The following TTLL5 variants were observed in gnomAD, a reference collection of about 807,000 sequenced individuals.
The protein encoded by TTLL5 is tubulin tyrosine ligase like 5, also known as tubulin polyglutamylase TTLL5.
TTLL5 carries 132 observed loss-of-function variants against 168.4 expected under a neutral mutation model. The observed-to-expected ratio is 0.78, with a 90% CI of 0.68 to 0.91. The LOEUF (loss-of-function observed/expected upper bound fraction) is 0.91, where lower values mean the gene tolerates loss of function less well. Ranked by LOEUF, TTLL5 falls within the 40% of genes least tolerant of loss-of-function variation. The probability of loss-of-function intolerance (pLI) is 0.00; values close to 1 mark genes in which losing one functional copy is unlikely to be tolerated. For synonymous variants in TTLL5, 546 were observed against 558.6 expected, an observed-to-expected ratio of 0.98 and a Z score of 0.32; for missense variants, 1,545 against 1,581.5, an observed-to-expected ratio of 0.98 and a Z score of 0.39.
chr14:75,826,863 C>T (rs1037301168), intron 28 of TTLL5, among the ~76,000 whole-genome samples: 9 of 152,134 alleles, frequency 5.9e-5, no homozygotes, highest in African/African-American at 2.2e-4. Flanking sequence ...TTAAAGCTTA[C>T]CTAGTATTGA....
chr14:75,813,270 T>TTGTGTGTGTG (rs58821426), intron 27 of TTLL5, among the ~76,000 whole-genome samples: 10 of 130,616 alleles, frequency 7.7e-5, no homozygotes, highest in African/African-American at 1.5e-4. Context: ...GTGTGTGTGT[T>TTGTGTGTGTG]TGTGTGTGTG....
At chr14:75,788,833 C>T (rs1892528774) in intron 26 of TTLL5, among the ~76,000 whole-genome samples, 1 of 152,012 alleles carries the variant, frequency 6.6e-6, no homozygotes, top group Non-Finnish European at 1.5e-5. Flanking sequence ...TATTTATTAA[C>T]ACAAATGCAA....
chr14:75,922,309 C>T (rs1595273073), intron 31 of TTLL5, among the ~76,000 whole-genome samples: 8 of 150,586 alleles, frequency 5.3e-5, no homozygotes, highest in South Asian at 4.2e-4. Flanking sequence ...TGTCTTGTGC[C>T]GGTTTTCAAA....
In TTLL5 at chr14:75,718,434, A is replaced by G. The variant is rs951765513; in HGVS notation, c.842+472A>G. Among the ~76,000 whole-genome samples, 4 of 152,334 alleles carry G rather than the reference A, an allele frequency of 2.6e-5. No individual in the cohort carries two copies. In the East Asian group the frequency reaches 7.7e-4, roughly 29 times the overall value. ...TTCATTACCATGTATTCGTAGGTGGAAAAAGCAGGTTATCAGATAGCACAT... is the reference window on the plus strand; with the variant it reads ...TTCATTACCATGTATTCGTAGGTGGGAAAAGCAGGTTATCAGATAGCACAT... On this transcript the variant is annotated intron_variant, in intron 10 of 31. Transcript: ENST00000298832.
chr14:75,866,016 A>C (rs1032764528), intron 29 of TTLL5, among the ~76,000 whole-genome samples: 3 of 152,206 alleles, frequency 2.0e-5, no homozygotes, highest in Non-Finnish European at 4.4e-5. Context: ...AAAATGAGTA[A>C]GGGTGAAGTT....
intron 30 of TTLL5, chr14:75,886,826 C>T: frequency 6.4e-7 from 1 of 1,558,964 alleles, no homozygotes; most frequent in Non-Finnish European, 8.6e-7. Flanking sequence ...GAGCTTTTTT[C>T]AGAGCCAGAA....
At chr14:75,894,019 T>C (rs2140062676) in intron 30 of TTLL5, among the ~76,000 whole-genome samples, 1 of 152,202 alleles carries the variant, frequency 6.6e-6, no homozygotes, top group Middle Eastern at 3.4e-3. Flanking sequence ...ATAAAATAAT[T>C]ATTGGTCTTT....
chr14:75,869,013 A>AGT (rs3138589), intron 29 of TTLL5, among the ~76,000 whole-genome samples: 19,857 of 124,170 alleles, frequency 0.16, 1,593 homozygotes, highest in Non-Finnish European at 0.2. Flanking sequence ...AGAGGGGAGG[A>AGT]GTGTGTGTGT....
chr14:75,672,930 T>C (rs567954342), intron 3 of TTLL5, among the ~76,000 whole-genome samples: 1 of 152,080 alleles, frequency 6.6e-6, no homozygotes. Flanking sequence ...TCAATTTCGT[T>C]GATCATTTTT....
At chr14:75,843,877 G>GTTTTGTTTTGTTTTATTTTA (rs1208784264) in intron 28 of TTLL5, among the ~76,000 whole-genome samples, 1,376 of 130,666 alleles carry the variant, frequency 0.011, 45 homozygotes, top group African/African-American at 0.039. Context: ...GTTTTGTTTT[G>GTTTTGTTTTGTTTTATTTTA]TTTTATTTTA....
chr14:75,761,315 T>TG (rs924974202), intron 18 of TTLL5, among the ~76,000 whole-genome samples: 1 of 151,992 alleles, frequency 6.6e-6, no homozygotes, highest in African/African-American at 2.4e-5. Context: ...AGGAAGAGAC[T>TG]GGCAGTTTGT....
chr14:75,793,592 A>C (rs1892838999), intron 27 of TTLL5, among the ~76,000 whole-genome samples: 1 of 152,146 alleles, frequency 6.6e-6, no homozygotes, highest in Non-Finnish European at 1.5e-5. Context: ...CATTCTCCCC[A>C]TTTTACAGAT....
chr14:75,786,814 A>T (rs1003203464), intron 26 of TTLL5, among the ~76,000 whole-genome samples: 2 of 152,152 alleles, frequency 1.3e-5, no homozygotes, highest in African/African-American at 4.8e-5. Context: ...AAGCATAGAA[A>T]AAGCAAGATA....
intron 31 of TTLL5, among the ~76,000 whole-genome samples, chr14:75,920,124 GCAACAACAA>G (rs112924591): frequency 8.0e-5 from 12 of 150,916 alleles, no homozygotes; most frequent in African/African-American, 1.9e-4. Context: ...TGTCTCAAAA[GCAACAACAA>G]CAACAACAAC....
At chr14:75,948,143 G>T (rs1293460395) in intron 31 of TTLL5, among the ~76,000 whole-genome samples, 1 of 144,114 alleles carries the variant, frequency 6.9e-6, no homozygotes, top group African/African-American at 2.6e-5. Context: ...AAAAGATACT[G>T]GAAAAGTCCT....
intron 31 of TTLL5, among the ~76,000 whole-genome samples, chr14:75,926,132 T>G (rs2034055615): frequency 1.5e-5 from 2 of 130,644 alleles, no homozygotes; most frequent in Admixed American, 1.7e-4. Context: ...CTATGTATTT[T>G]AAAGACTAGG....
intron 12 of TTLL5, among the ~76,000 whole-genome samples, chr14:75,728,358 GA>G (rs11326438): frequency 0.39 from 38,502 of 99,526 alleles, 5,809 homozygotes; most frequent in East Asian, 0.54. Flanking sequence ...CTCCATCTCA[GA>G]AAAAAAAAAA....
chr14:75,944,164 T>C (rs775638216), intron 31 of TTLL5, among the ~76,000 whole-genome samples: 2 of 152,202 alleles, frequency 1.3e-5, no homozygotes, highest in Non-Finnish European at 2.9e-5. Flanking sequence ...GAGGCAATAA[T>C]TGAGGCTGCG....
At chr14:75,849,084 A>G (rs1400517229) in intron 28 of TTLL5, among the ~76,000 whole-genome samples, 1 of 152,356 alleles carries the variant, frequency 6.6e-6, no homozygotes, top group African/African-American at 2.4e-5. Context: ...GCTTTTTGAC[A>G]TGATACCTCA....
Sources: gnomAD v4.1 joint callset for allele counts (sites outside exome capture counted in the v4.1 genomes callset) on GRCh38, gnomAD v4.1.1 for gene constraint, MANE v1.5 for transcripts, NCBI Gene and HGNC (gene_info 2026-07-23, HGNC 2026-07-21) for gene names.